PRKCE: variants seen among roughly 807,000 people sequenced by gnomAD.
PRKCE encodes the protein protein kinase C epsilon type.
Under a neutral mutation model 85.4 loss-of-function variants are expected in PRKCE, and 16 were observed. The observed-to-expected ratio is 0.19, with a 90% CI of 0.13 to 0.28. The LOEUF (loss-of-function observed/expected upper bound fraction) is 0.28, where lower values mean the gene tolerates loss of function less well. Among genes scored for constraint, PRKCE ranks in the 10% least tolerant of loss-of-function variants. PRKCE has a pLI of 1.00. For synonymous variants in PRKCE, 388 were observed against 371.5 expected, an observed-to-expected ratio of 1.04 and a Z score of -0.51; for missense variants, 573 against 975.2, an observed-to-expected ratio of 0.59 and a Z score of 5.49.
chr2:46,141,139 G>A (rs1675477533), intron 11 of PRKCE, among the ~76,000 whole-genome samples: 1 of 149,448 alleles, frequency 6.7e-6, no homozygotes, highest in Non-Finnish European at 1.5e-5. Context: ...TCTTTTCTAG[G>A]AAATGTGTAT....
intron 6 of PRKCE, among the ~76,000 whole-genome samples, chr2:45,989,697 A>G (rs1187746491): frequency 6.6e-6 from 1 of 152,044 alleles, no homozygotes; most frequent in Non-Finnish European, 1.5e-5. Context: ...AAAAACATGC[A>G]GAATAATTTT....
At chr2:46,050,835 G>C (rs1708810378) in intron 10 of PRKCE, among the ~76,000 whole-genome samples, 1 of 152,164 alleles carries the variant, frequency 6.6e-6, no homozygotes, top group Non-Finnish European at 1.5e-5. Context: ...TCTTGTCAAA[G>C]TCTCACTCTT....
At chr2:45,949,166 C>T (rs1700441745) in intron 2 of PRKCE, among the ~76,000 whole-genome samples, 2 of 152,326 alleles carry the variant, frequency 1.3e-5, no homozygotes, top group East Asian at 1.9e-4. Flanking sequence ...TGCACATCCT[C>T]AGCTTAGCTG....
chr2:46,166,403 C>G (rs972741684), intron 14 of PRKCE, among the ~76,000 whole-genome samples: 1 of 152,228 alleles, frequency 6.6e-6, no homozygotes, highest in South Asian at 2.1e-4. Flanking sequence ...CACATCCAAG[C>G]GGCTTACCAT....
At position 46,145,086 on chromosome 2, in the gene PRKCE, C is replaced by T. The variant is rs1278331862; in HGVS notation, c.1593-7C>T. 6.3e-7 allele frequency: 1 copy of T among 1,599,712 alleles called. No homozygotes were observed. Among genetic ancestry groups the T allele is most frequent in the South Asian group, 1.1e-5 (1 of 91,072 alleles). On this transcript the variant is annotated splice_region_variant and splice_polypyrimidine_tract_variant and intron_variant, in intron 11 of 14. Transcript: ENST00000306156. This position sits in a 1 kb window ranked among gnomAD's most constrained non-coding sequence, Gnocchi z 4.6. ...TATTGACATTATGGTCCTGGCCTATCTTGCAGGGATTTGAAACTGGACAAC... is the reference window on the plus strand; with the variant it reads ...TATTGACATTATGGTCCTGGCCTATTTTGCAGGGATTTGAAACTGGACAAC...
At chr2:45,678,047 A>C (rs534605404) in intron 1 of PRKCE, 3 of 265,942 alleles carry the variant, frequency 1.1e-5, no homozygotes, top group African/African-American at 6.9e-5. Flanking sequence ...ACACCGAGCC[A>C]GGGGGAAAAC....
At chr2:45,973,347 G>T (rs1574075880) in intron 2 of PRKCE, among the ~76,000 whole-genome samples, 2 of 152,196 alleles carry the variant, frequency 1.3e-5, no homozygotes, top group African/African-American at 4.8e-5. Flanking sequence ...GGTGTTTTCA[G>T]CAGCCACAGG....
intron 1 of PRKCE, among the ~76,000 whole-genome samples, chr2:45,829,441 T>C (rs1573521904): frequency 6.6e-6 from 1 of 152,168 alleles, no homozygotes; most frequent in South Asian, 2.1e-4. Context: ...TAAGACCCCA[T>C]ATAAATTACA....
chr2:45,808,764 G>A (rs1480881123), intron 1 of PRKCE, among the ~76,000 whole-genome samples: 1 of 152,204 alleles, frequency 6.6e-6, no homozygotes, highest in Admixed American at 6.5e-5. Context: ...TCCAGTCTCA[G>A]ATGGGGAATC....
At chr2:46,029,190 G>A (rs546766583) in intron 10 of PRKCE, among the ~76,000 whole-genome samples, 1 of 152,128 alleles carries the variant, frequency 6.6e-6, no homozygotes, top group African/African-American at 2.4e-5. Context: ...CTTTGCAATA[G>A]TCCTGAGAGG....
chr2:45,844,990 A>G (rs1299710549), intron 2 of PRKCE, among the ~76,000 whole-genome samples: 1 of 152,186 alleles, frequency 6.6e-6, no homozygotes, highest in Non-Finnish European at 1.5e-5. Flanking sequence ...TTACTTTAGA[A>G]ATGCTGACAC....
chr2:45,966,474 T>G (rs550727656), intron 2 of PRKCE, among the ~76,000 whole-genome samples: 1 of 152,318 alleles, frequency 6.6e-6, no homozygotes, highest in East Asian at 1.9e-4. Context: ...AGCTGACATC[T>G]TTCAGCTTTT....
At chr2:45,715,544 G>A (rs1199757436) in intron 1 of PRKCE, among the ~76,000 whole-genome samples, 2 of 152,160 alleles carry the variant, frequency 1.3e-5, no homozygotes, top group African/African-American at 4.8e-5. Context: ...GGGTTTCTAA[G>A]GAGCAAGAGA....
chr2:45,917,052 G>C (rs1203445171), intron 2 of PRKCE, among the ~76,000 whole-genome samples: 2 of 152,132 alleles, frequency 1.3e-5, no homozygotes, highest in Non-Finnish European at 2.9e-5. Context: ...GGGGACTCCA[G>C]CAGGTTACCA....
chr2:46,095,472 G>A (rs745528113), intron 11 of PRKCE, among the ~76,000 whole-genome samples: 17 of 152,292 alleles, frequency 1.1e-4, no homozygotes, highest in African/African-American at 1.9e-4. Context: ...GGAAGGGGCC[G>A]TGCCAAGAAG....
At chr2:45,677,353 T>TTG (rs1491299387) in intron 1 of PRKCE, among the ~76,000 whole-genome samples, 1 of 137,296 alleles carries the variant, frequency 7.3e-6, no homozygotes, top group African/African-American at 2.8e-5. Flanking sequence ...GTTGTTGTTG[T>TTG]TTTTTTTTTT....
At chr2:45,834,346 A>G (rs1690675642) in intron 1 of PRKCE, among the ~76,000 whole-genome samples, 1 of 152,234 alleles carries the variant, frequency 6.6e-6, no homozygotes, top group Non-Finnish European at 1.5e-5. Flanking sequence ...TGGAGATTAT[A>G]AACAGCCAGT....
chr2:45,991,250 AC>A (rs1003587866), intron 6 of PRKCE, among the ~76,000 whole-genome samples: 2 of 149,480 alleles, frequency 1.3e-5, no homozygotes, highest in African/African-American at 4.9e-5. Flanking sequence ...CAAGTGATCC[AC>A]CTACCTCAGC....
chr2:45,690,784 C>CT (rs1452831981), intron 1 of PRKCE, among the ~76,000 whole-genome samples: 1 of 152,124 alleles, frequency 6.6e-6, no homozygotes, highest in Non-Finnish European at 1.5e-5. Flanking sequence ...GACCAATGTA[C>CT]TTTTTTAGGG....
Sources: gnomAD v4.1 joint callset for allele counts (sites outside exome capture counted in the v4.1 genomes callset) on GRCh38, gnomAD v4.1.1 for gene constraint, Gnocchi (gnomAD v3.1) non-coding constraint, MANE v1.5 for transcripts, NCBI Gene and HGNC (gene_info 2026-07-23, HGNC 2026-07-21) for gene names.